XRCC1: variants seen among roughly 807,000 people sequenced by gnomAD.
The protein encoded by XRCC1 is X-ray repair cross complementing 1, also known as DNA repair protein XRCC1.
A neutral mutation model predicts 83.3 loss-of-function variants in XRCC1; 52 were observed. The ratio of observed to expected loss-of-function variants is 0.62; its 90% CI spans 0.50 to 0.79. The LOEUF (loss-of-function observed/expected upper bound fraction) is 0.79, where lower values mean the gene tolerates loss of function less well. XRCC1 is among the 30% of genes least tolerant of loss of function. XRCC1 has a pLI of 0.00. For missense variants in XRCC1, 793 were observed against 823.5 expected, an observed-to-expected ratio of 0.96 and a Z score of 0.45; for synonymous variants, 281 against 312.6, an observed-to-expected ratio of 0.90 and a Z score of 1.07.
chr19:43,559,286 A>G (rs1446216251), intron 3 of XRCC1, among the ~76,000 whole-genome samples: 2 of 151,840 alleles, frequency 1.3e-5, no homozygotes, highest in Non-Finnish European at 1.5e-5. Flanking sequence ...GATCGAGACC[A>G]TCCTGGCTAA....
intron 2 of XRCC1, among the ~76,000 whole-genome samples, chr19:43,569,979 G>A (rs1408598993): frequency 1.3e-5 from 2 of 152,220 alleles, no homozygotes; most frequent in African/African-American, 4.8e-5. Flanking sequence ...GGTACTGACA[G>A]AAAGAACCTG....
At chr19:43,558,319 A>G (rs1011943415) in intron 3 of XRCC1, among the ~76,000 whole-genome samples, 9 of 126,564 alleles carry the variant, frequency 7.1e-5, no homozygotes, top group African/African-American at 2.8e-4. Context: ...TGGGTGACAA[A>G]GTGAGACCTC....
At chr19:43,569,867 TAAGAA>T (rs1197583363) in intron 2 of XRCC1, among the ~76,000 whole-genome samples, 3 of 152,062 alleles carry the variant, frequency 2.0e-5, no homozygotes, top group Non-Finnish European at 4.4e-5. Flanking sequence ...GGAAGCCAGA[TAAGAA>T]AAGTTTATAC....
intron 1 of XRCC1, 78 bp downstream of exon 1, chr19:43,575,330 G>A (rs914345021): frequency 3.5e-6 from 5 of 1,447,398 alleles, no homozygotes; most frequent in East Asian, 2.3e-5. Flanking sequence ...ACTTCCAAGA[G>A]AACCCCAAAA....
chr19:43,552,760 C>T, intron 8 of XRCC1, 37 bp downstream of exon 8: 2 of 1,533,266 alleles, frequency 1.3e-6, no homozygotes, highest in Non-Finnish European at 1.8e-6. Flanking sequence ...CACAGGAGCA[C>T]AGGCCCCTGT....
chr19:43,550,780 A>C (rs1160708793), intron 10 of XRCC1, among the ~76,000 whole-genome samples: 1 of 152,182 alleles, frequency 6.6e-6, no homozygotes, highest in African/African-American at 2.4e-5. Flanking sequence ...GCCTCTGTTC[A>C]GCCTGAAAAA....
At chr19:43,553,941 C>A (rs754687651) in intron 4 of XRCC1, among the ~76,000 whole-genome samples, 1 of 152,190 alleles carries the variant, frequency 6.6e-6, no homozygotes, top group Non-Finnish European at 1.5e-5. Flanking sequence ...GGTGTCCCAG[C>A]GAATTCACTG....
intron 4 of XRCC1, among the ~76,000 whole-genome samples, chr19:43,554,349 G>C (rs1258271443): frequency 6.6e-6 from 1 of 152,168 alleles, no homozygotes; most frequent in Non-Finnish European, 1.5e-5. Context: ...CAGATCTCCT[G>C]ATGTTAACTA....
Position 43,551,870 on chromosome 19 carries a change from A to G in XRCC1, c.1082+147T>C, listed in dbSNP as rs941426392. ...AGATGCAAAAATCAGAGAGAAGACA[A>G]AGGCTACAGAATGCAGTGAGAAAGA... is the stretch of plus-strand genomic sequence containing the variant. On this transcript the variant is annotated intron_variant, in intron 9 of 16. Transcript: ENST00000262887. 20 of 1,089,908 alleles carry G rather than the reference A, an allele frequency of 1.8e-5. No individual in the cohort carries two copies. In the East Asian group the frequency reaches 4.5e-4, roughly 24 times the overall value. The allele number at this position is 1,089,908 out of a possible 1,614,324, so 67.5% of individuals were successfully genotyped here.
chr19:43,565,158 A>G (rs1972740165), intron 2 of XRCC1, among the ~76,000 whole-genome samples: 1 of 152,166 alleles, frequency 6.6e-6, no homozygotes, highest in South Asian at 2.1e-4. Context: ...TCCTTAATTT[A>G]ATCAAACCCA....
In XRCC1 at chr19:43,556,329, C is replaced by A. The variant is rs1033161671; in HGVS notation, c.256-1525G>T. ...GAGGACTCCCCAAAGGCAACGCCCACACTAGTTACATGAAGGGGAAATAAG... is the reference window on the plus strand; with the variant it reads ...GAGGACTCCCCAAAGGCAACGCCCAAACTAGTTACATGAAGGGGAAATAAG... On this transcript the variant is annotated intron_variant, in intron 3 of 16. Transcript: ENST00000262887. 2.0e-5 allele frequency among the ~76,000 whole-genome samples: 3 copies of A among 152,202 alleles called. No homozygotes were observed. In the East Asian group the frequency reaches 5.8e-4, roughly 29 times the overall value.
rs2307188 is a variant in XRCC1, at chr19:43,552,205, T to G, written c.894A>C (p.Lys298Asn). ...PARAQGAVTG[K>N]PRGEGTEPRR... Reference sequence around the variant, plus strand: ...TGGGCTCGGTGCCTTCTCCTCGGGGTTTGCCTGTCACTGCCCCCTGTGCTC... The same window carrying G: ...TGGGCTCGGTGCCTTCTCCTCGGGGGTTGCCTGTCACTGCCCCCTGTGCTC... The change falls in exon 9 of 17, where the codon AAA becomes AAC. Residue 298 changes from lysine (K) to asparagine (N), a missense_variant. Transcript: ENST00000262887. 6.7e-5 allele frequency: 108 copies of G among 1,613,874 alleles called. No homozygotes were observed. The African/African-American group carries it at 1.3e-3, about 19-fold the overall frequency.
chr19:43,559,011 C>A (rs936795368), intron 3 of XRCC1, among the ~76,000 whole-genome samples: 2 of 151,860 alleles, frequency 1.3e-5, no homozygotes, highest in African/African-American at 4.8e-5. Flanking sequence ...TATGGCGGCT[C>A]ACACCTATAG....
intron 2 of XRCC1, among the ~76,000 whole-genome samples, chr19:43,570,559 G>A (rs1972797394): frequency 6.6e-6 from 1 of 152,234 alleles, no homozygotes; most frequent in African/African-American, 2.4e-5. Flanking sequence ...CAAGACAGGA[G>A]GACTGCTTGA....
chr19:43,553,376 C>G (rs1799779), intron 6 of XRCC1, 25 bp downstream of exon 6: 2 of 1,612,126 alleles, frequency 1.2e-6, no homozygotes, highest in Non-Finnish European at 1.7e-6. Flanking sequence ...CCTACTCACT[C>G]AGGACCCACG....
intron 2 of XRCC1, among the ~76,000 whole-genome samples, chr19:43,566,530 T>TG (rs1321231666): frequency 1.1e-5 from 1 of 94,868 alleles, no homozygotes; most frequent in African/African-American, 4.0e-5. Context: ...AGACTCTGTC[T>TG]CAAAAAAAAA....
chr19:43,546,828 C>T lies in XRCC1; in HGVS notation c.1293+56G>A, dbSNP rs748524736. 7.5e-6 allele frequency: 12 copies of T among 1,601,864 alleles called. No individual in the cohort carries two copies. The Admixed American group carries it at 1.2e-4, about 16-fold the overall frequency. On this transcript the variant is annotated intron_variant, in intron 11 of 16. Transcript: ENST00000262887. ...GAGTGGGAAGTTTGGGGTGCCACAG[C>T]GGACTCATGTCATCCTCCCACTACA...
chr19:43,551,925 G>T, intron 9 of XRCC1, 92 bp downstream of exon 9: 1 of 1,373,904 alleles, frequency 7.3e-7, no homozygotes, highest in Non-Finnish European at 1.0e-6. Context: ...AAAGCATGCA[G>T]CATAGTGGAC....
intron 10 of XRCC1, 48 bp from the exon 11 acceptor site, chr19:43,547,025 G>C: frequency 6.3e-7 from 1 of 1,586,972 alleles, no homozygotes; most frequent in Non-Finnish European, 8.6e-7. Context: ...GGGAAGTGGG[G>C]AGGGCGTTCA....
Sources: gnomAD v4.1 joint callset for allele counts (sites outside exome capture counted in the v4.1 genomes callset) on GRCh38, gnomAD v4.1.1 for gene constraint, MANE v1.5 for transcripts, NCBI Gene and HGNC (gene_info 2026-07-23, HGNC 2026-07-21) for gene names.